The following PAK3 variants were observed in gnomAD, a reference collection of about 807,000 sequenced individuals.
The protein encoded by PAK3 is serine/threonine-protein kinase PAK 3.
A neutral mutation model predicts 41.0 loss-of-function variants in PAK3; 4 were observed. The ratio of observed to expected loss-of-function variants is 0.10; its 90% CI spans 0.05 to 0.22. The LOEUF (loss-of-function observed/expected upper bound fraction) is 0.22, where lower values mean the gene tolerates loss of function less well. PAK3 is among the 10% of genes least tolerant of loss of function. PAK3 has a pLI of 1.00. For synonymous variants in PAK3, 146 were observed against 139.6 expected, an observed-to-expected ratio of 1.05 and a Z score of -0.32; for missense variants, 205 against 409.9, an observed-to-expected ratio of 0.50 and a Z score of 4.32.
At chrX:111,013,363 T>C (rs1014680399) in intron 1 of PAK3, among the ~76,000 whole-genome samples, 1 of 111,434 alleles carries the variant, frequency 9.0e-6, no homozygotes, top group African/African-American at 3.3e-5. Context: ...CATCCAGCAT[T>C]TGTCTCACTT....
At chrX:111,148,298 G>GT (rs765387047) in intron 7 of PAK3, among the ~76,000 whole-genome samples, 1 of 111,783 alleles carries the variant, frequency 8.9e-6, no homozygotes, top group African/African-American at 3.3e-5. Context: ...ACAGCACACT[G>GT]TTTTTTTGGT....
chrX:110,993,296 C>T (rs1028019912), intron 1 of PAK3, among the ~76,000 whole-genome samples: 1 of 111,166 alleles, frequency 9.0e-6, no homozygotes, highest in African/African-American at 3.3e-5. Flanking sequence ...CCACACTTCC[C>T]CTATTTTGGC....
chrX:111,164,822 G>A (rs149408066), intron 10 of PAK3, among the ~76,000 whole-genome samples: 100 of 111,683 alleles, frequency 9.0e-4, no homozygotes, highest in African/African-American at 3.0e-3. Flanking sequence ...TGGAAAATAC[G>A]ATTTAATAGT....
intron 1 of PAK3, among the ~76,000 whole-genome samples, chrX:110,971,181 A>T (rs1231667308): frequency 8.9e-6 from 1 of 112,358 alleles, no homozygotes; most frequent in East Asian, 2.8e-4. Flanking sequence ...ATTCATCACC[A>T]GAATCAATTT....
chrX:111,009,373 G>T (rs908702672), intron 1 of PAK3, among the ~76,000 whole-genome samples: 5 of 111,841 alleles, frequency 4.5e-5, no homozygotes, highest in African/African-American at 9.8e-5. Context: ...AAGATTCCAG[G>T]TCTAAAAGAT....
At chrX:111,096,869 TACACACACACACACACACAC>T (rs771301130) in intron 1 of PAK3, 1 of 72,207 alleles carries the variant, frequency 1.4e-5, no homozygotes, top group African/African-American at 5.2e-5. Flanking sequence ...CCCCGCCCCT[TACACACACACACACACACAC>T]ACACACACAC....
intron 16 of PAK3, among the ~76,000 whole-genome samples, chrX:111,199,506 A>G (rs750832600): frequency 9.0e-6 from 1 of 111,692 alleles, no homozygotes; most frequent in South Asian, 3.8e-4. Flanking sequence ...TAAATGATCA[A>G]TCTAAAAAAC....
chrX:111,045,720 T>C (rs1569283896), intron 1 of PAK3, among the ~76,000 whole-genome samples: 1 of 111,760 alleles, frequency 8.9e-6, no homozygotes, highest in Non-Finnish European at 1.9e-5. Context: ...TGAGCAACAT[T>C]ATTATCTTCT....
At chrX:111,192,467 A>T (rs1327498394) in intron 12 of PAK3, 39 bp from the exon 13 acceptor site, 1 of 719,264 alleles carries the variant, frequency 1.4e-6, no homozygotes, top group African/African-American at 2.1e-5. Flanking sequence ...GTTTATTATA[A>T]TGATTGTAAT....
intron 11 of PAK3, among the ~76,000 whole-genome samples, chrX:111,174,534 C>G (rs188089959): frequency 1.3e-4 from 15 of 111,630 alleles, no homozygotes; most frequent in Admixed American, 3.8e-4. Flanking sequence ...CCGAATGGGT[C>G]AAATTAATAT....
intron 10 of PAK3, among the ~76,000 whole-genome samples, chrX:111,164,954 G>A (rs1196560404): frequency 9.0e-6 from 1 of 111,496 alleles, no homozygotes; most frequent in African/African-American, 3.3e-5. Flanking sequence ...GGTGGTGGTA[G>A]GATGATTTTG....
At chrX:110,977,497 G>T (rs1197254938) in intron 1 of PAK3, among the ~76,000 whole-genome samples, 1 of 111,236 alleles carries the variant, frequency 9.0e-6, no homozygotes, top group East Asian at 2.8e-4. Context: ...GGAGAGTTTT[G>T]TCATCTTAAC....
chrX:110,983,917 T>A, intron 1 of PAK3, among the ~76,000 whole-genome samples: 1 of 112,043 alleles, frequency 8.9e-6, no homozygotes, highest in East Asian at 2.8e-4. Flanking sequence ...GTTCTTCTTG[T>A]TCCCTTACAC....
Position 111,167,456 on chromosome X carries a change from C to T in PAK3, c.766+3729C>T, listed in dbSNP as rs750302623. ...TTACTAAGAGGTGGGCAGCCCAGACCACAGAGCTATTCATCTTCCATGCAG... is the reference window on the plus strand; with the variant it reads ...TTACTAAGAGGTGGGCAGCCCAGACTACAGAGCTATTCATCTTCCATGCAG... On this transcript the variant is annotated intron_variant, in intron 10 of 17. Coordinates refer to ENST00000372007, the MANE Select transcript of PAK3 (RefSeq NM_002578.5). Among the ~76,000 whole-genome samples the T allele has an allele frequency of 8.1e-5, 9 of 111,103 alleles. No homozygotes were observed. In the South Asian group the frequency reaches 3.5e-3, roughly 43 times the overall value.
intron 1 of PAK3, among the ~76,000 whole-genome samples, chrX:111,010,301 T>C (rs1479058533): frequency 1.8e-5 from 2 of 111,911 alleles, no homozygotes; most frequent in East Asian, 5.6e-4. Context: ...GCTGGGGAAT[T>C]AGAGCTCCCT....
At chrX:110,991,626 A>C (rs780375050) in intron 1 of PAK3, among the ~76,000 whole-genome samples, 6 of 112,494 alleles carry the variant, frequency 5.3e-5, no homozygotes, top group Non-Finnish European at 7.5e-5. Context: ...TGGCCAGTTG[A>C]CCATTAAGGT....
intron 16 of PAK3, among the ~76,000 whole-genome samples, chrX:111,207,163 CAT>C (rs1177556331): frequency 1.9e-5 from 2 of 103,120 alleles, no homozygotes; most frequent in African/African-American, 7.2e-5. Flanking sequence ...TACATATTTA[CAT>C]ATATATGTGT....
chrX:110,983,077 T>G (rs1309104180), intron 1 of PAK3, among the ~76,000 whole-genome samples: 1 of 111,646 alleles, frequency 9.0e-6, no homozygotes, highest in Non-Finnish European at 1.9e-5. Flanking sequence ...ACAGAAGATG[T>G]AGCTCTGGGC....
intron 1 of PAK3, among the ~76,000 whole-genome samples, chrX:110,971,780 G>A (rs550611613): frequency 4.2e-4 from 47 of 111,606 alleles, no homozygotes; most frequent in South Asian, 2.3e-3. Context: ...TCACACCTAT[G>A]TTTTCTTCTA....
Sources: allele counts gnomAD v4.1 joint callset (sites outside exome capture counted in the v4.1 genomes callset), GRCh38; gene constraint gnomAD v4.1.1; transcripts MANE v1.5; gene names NCBI Gene and HGNC (gene_info 2026-07-23, HGNC 2026-07-21).